Variants in STARD4 observed in about 807,000 individuals in gnomAD.
STARD4 encodes the protein StAR related lipid transfer domain containing 4.
Under a neutral mutation model 24.9 loss-of-function variants are expected in STARD4, and 33 were observed. The observed-to-expected ratio is 1.32, with a 90% CI of 1.00 to 1.77. STARD4 has a LOEUF of 1.77. Among genes scored for constraint, STARD4 ranks in the 40% most tolerant of loss-of-function variants. STARD4 has a pLI of 0.00. For synonymous variants in STARD4, 88 were observed against 77.4 expected, an observed-to-expected ratio of 1.14 and a Z score of -0.72; for missense variants, 238 against 249.3, an observed-to-expected ratio of 0.95 and a Z score of 0.31.
chr5:111,500,595 T>C (rs1283200466), intron 5 of STARD4: 5 of 1,104,412 alleles, frequency 4.5e-6, no homozygotes, highest in Admixed American at 4.9e-5. Flanking sequence ...AATGGCAGTA[T>C]TTTTAATCTT....
chr5:111,507,500 G>T lies in STARD4; in HGVS notation c.-9-58C>A. The T allele has an allele frequency of 7.6e-7, 1 of 1,323,932 alleles. No individual in the cohort carries two copies. Among genetic ancestry groups the T allele is most frequent in the Non-Finnish European group, 1.1e-6 (1 of 938,744 alleles). The allele number at this position is 1,323,932 out of a possible 1,614,324, so 82.0% of individuals were successfully genotyped here. ...TACCACAGTTTGAGGCAATAGGCCA[G>T]TGGGTCTCGAATCTGGTTTCACAAT... On this transcript the variant is annotated intron_variant, in intron 1 of 5. Coordinates refer to ENST00000296632, the MANE Select transcript of STARD4 (RefSeq NM_139164.3). The surrounding 1 kb of genome is among the most constrained non-coding windows in gnomAD (Gnocchi z 4.4).
At chr5:111,505,085 A>G in intron 3 of STARD4, 1 of 449,906 alleles carries the variant, frequency 2.2e-6, no homozygotes, top group Non-Finnish European at 4.4e-6. Context: ...GTGTTTATGC[A>G]GTAGATATGC....
In STARD4 at chr5:111,502,115, G is replaced by A. The variant is rs143962189; in HGVS notation, c.156-27C>T. The stretch of plus-strand genomic sequence containing the variant: ...TGGAGAAAAAAAGTTTAAGTCAACC[G>A]CTGTTACAATAAAAAAATTTCAGCA... On this transcript the variant is annotated intron_variant, in intron 3 of 5. Coordinates refer to ENST00000296632, the MANE Select transcript of STARD4 (RefSeq NM_139164.3). The A allele has an allele frequency of 6.8e-4, 1,090 of 1,600,376 alleles. 5 individuals carry two copies. The highest frequency in any genetic ancestry group is 5.1e-3 in the African/African-American group (373 of 73,810).
intron 5 of STARD4, 183 bp from the exon 6 acceptor site, chr5:111,500,289 T>G: frequency 7.5e-7 from 1 of 1,336,502 alleles, no homozygotes; most frequent in Non-Finnish European, 9.5e-7. Flanking sequence ...TGACAAGAGG[T>G]TGGCAGATAG....
At chr5:111,502,497 A>G (rs1756535466) in intron 3 of STARD4, among the ~76,000 whole-genome samples, 1 of 151,148 alleles carries the variant, frequency 6.6e-6, no homozygotes, top group African/African-American at 2.4e-5. Context: ...AAAGAATAAA[A>G]ATTAGTGAAG....
Position 111,496,579 on chromosome 5 carries a change from G to A in STARD4, c.*3307C>T, listed in dbSNP as rs575104584. The A allele has an allele frequency of 6.6e-6, 1 of 152,176 alleles. No homozygotes were observed. The highest frequency in any genetic ancestry group is 2.4e-5 in the African/African-American group (1 of 41,542). The allele number at this position is 152,176 out of a possible 1,614,324, so 9.4% of individuals were successfully genotyped here. A position where few individuals can be genotyped will look rare whatever the true frequency, so the allele number is the denominator to read the frequency against. On this transcript the variant is annotated 3_prime_UTR_variant, in exon 6 of 6. Coordinates refer to ENST00000296632, the MANE Select transcript of STARD4 (RefSeq NM_139164.3). ...GTTAAAGCTTTTATTTGTATGAAAG[G>A]CAATTACTCAGCCCTAAAAGCTCAA...
rs202130751 is a variant in STARD4 at position 111,496,705 on chromosome 5, AT to A, written c.*3180del. The A allele has an allele frequency of 4.2e-3, 632 of 152,180 alleles. 4 individuals are homozygous for A. Among genetic ancestry groups the A allele is most frequent in the African/African-American group, 0.014 (589 of 41,550 alleles). The allele number at this position is 152,180 out of a possible 1,614,324, so 9.4% of individuals were successfully genotyped here. On this transcript the variant is annotated 3_prime_UTR_variant, in exon 6 of 6. Coordinates refer to ENST00000296632, the MANE Select transcript of STARD4 (RefSeq NM_139164.3). ...GCTTGAGATATTAATTGAATTCAGC[AT>A]GATTGTTGATAAAATGCCCTTTGGT...
In STARD4 at chr5:111,505,103, T is replaced by G. The variant is rs150109754; in HGVS notation, c.155+1227A>C. ...TTTATGCAGTAGATATGCAATTCCT[T>G]CTGCCTAGAACATGAACTCTTTCAT... is the stretch of plus-strand genomic sequence containing the variant. On this transcript the variant is annotated intron_variant, in intron 3 of 5. Transcript: ENST00000296632. 1,320 of 446,834 alleles carry G rather than the reference T, an allele frequency of 3.0e-3. 2 individuals carry two copies. Among genetic ancestry groups the G allele is most frequent in the Middle Eastern group, 5.7e-3 (17 of 3,004 alleles). The allele number at this position is 446,834 out of a possible 1,614,324, so 27.7% of individuals were successfully genotyped here.
intron 3 of STARD4, among the ~76,000 whole-genome samples, chr5:111,505,773 A>G (rs968726153): frequency 6.6e-6 from 1 of 152,214 alleles, no homozygotes; most frequent in African/African-American, 2.4e-5. Flanking sequence ...TCATGTATAC[A>G]ATGCTAAGAA....
At chr5:111,501,157 A>G in intron 4 of STARD4, 41 bp from the exon 5 acceptor site, 1 of 1,549,160 alleles carries the variant, frequency 6.5e-7, no homozygotes, top group Non-Finnish European at 8.7e-7. Context: ...TACTATAGGA[A>G]ACATACATAG....
chr5:111,511,151 G>C (rs1274742075), intron 1 of STARD4, among the ~76,000 whole-genome samples: 1 of 152,112 alleles, frequency 6.6e-6, no homozygotes, highest in South Asian at 2.1e-4. Context: ...ACTCAGACAA[G>C]TACAGCAGCT....
In STARD4 at chr5:111,507,611, G is replaced by GT. The variant is rs568042865; in HGVS notation, c.-9-170dup. ...TCTCTGAGAGTAGGACCCGGGCATA[G>GT]TTTTTTTCTAATTGCTCCCAAGATG... On this transcript the variant is annotated intron_variant, in intron 1 of 5. Transcript: ENST00000296632. This position sits in a 1 kb window ranked among gnomAD's most constrained non-coding sequence, Gnocchi z 4.4. Among the ~76,000 whole-genome samples the GT allele has an allele frequency of 6.6e-6, 1 of 152,090 alleles. No homozygotes were observed. The highest frequency in any genetic ancestry group is 1.5e-5 in the Non-Finnish European group (1 of 67,992).
At chr5:111,500,384 G>C in intron 5 of STARD4, 1 of 1,128,756 alleles carries the variant, frequency 8.9e-7, no homozygotes, top group African/African-American at 1.6e-5. Flanking sequence ...CTTGGTTGTA[G>C]TATCCAGGCC....
intron 4 of STARD4, 114 bp downstream of exon 4, chr5:111,501,848 C>A: frequency 7.0e-7 from 1 of 1,418,582 alleles, no homozygotes; most frequent in Non-Finnish European, 9.5e-7. Context: ...GACTGCTATT[C>A]TCAAAGCAAT....
intron 1 of STARD4, among the ~76,000 whole-genome samples, chr5:111,509,519 T>C (rs1019477971): frequency 6.6e-6 from 1 of 152,126 alleles, no homozygotes; most frequent in Non-Finnish European, 1.5e-5. Context: ...ATATTTTCAT[T>C]ACCTAATTTC....
Position 111,498,559 on chromosome 5 carries a change from C to T in STARD4, c.*1327G>A, listed in dbSNP as rs950063625. The stretch of plus-strand genomic sequence containing the variant: ...TACCAATTTCCATGAGAAACTGAAA[C>T]TAAACTACTGAGTTTTCTTTCACTA... On this transcript the variant is annotated 3_prime_UTR_variant, in exon 6 of 6. Transcript: ENST00000296632. The T allele has an allele frequency of 6.6e-6, 1 of 151,682 alleles. No individual in the cohort carries two copies. The highest frequency in any genetic ancestry group is 2.4e-5 in the African/African-American group (1 of 41,302). 9.4% of individuals were successfully genotyped at this position (151,682 alleles called of 1,614,324 possible).
chr5:111,499,872 A>C lies in STARD4; in HGVS notation c.*14T>G, dbSNP rs1756294623. 1.2e-6 allele frequency: 2 copies of C among 1,609,148 alleles called. No homozygotes were observed. The highest frequency in any genetic ancestry group is 1.3e-5 in the African/African-American group (1 of 74,856). ...TTGATCTGTAGTACTACAAGTTTGAATGTATTTTGCCTCTCATAAAGCTTT... is the reference window on the plus strand; with the variant it reads ...TTGATCTGTAGTACTACAAGTTTGACTGTATTTTGCCTCTCATAAAGCTTT... On this transcript the variant is annotated 3_prime_UTR_variant, in exon 6 of 6. Coordinates refer to ENST00000296632, the MANE Select transcript of STARD4 (RefSeq NM_139164.3).
intron 1 of STARD4, among the ~76,000 whole-genome samples, chr5:111,508,285 T>C (rs145425070): frequency 2.4e-3 from 372 of 152,256 alleles, no homozygotes; most frequent in Non-Finnish European, 3.0e-3. Flanking sequence ...ACTAATAGCA[T>C]AGAGGTCCTT....
rs1358626343 is a variant in STARD4, at chr5:111,507,639, T to C, written c.-9-197A>G. ...TTTTTCTAATTGCTCCCAAGATGAA[T>C]AACCCATAGCCAGAGGTGAGAATTA... On this transcript the variant is annotated intron_variant, in intron 1 of 5. Transcript: ENST00000296632. This position sits in a 1 kb window ranked among gnomAD's most constrained non-coding sequence, Gnocchi z 4.4. Among the ~76,000 whole-genome samples, 2 of 152,154 alleles carry C rather than the reference T, an allele frequency of 1.3e-5. No individual in the cohort carries two copies. The highest frequency in any genetic ancestry group is 2.9e-5 in the Non-Finnish European group (2 of 68,018).
Sources: gnomAD v4.1 joint callset for allele counts (sites outside exome capture counted in the v4.1 genomes callset) on GRCh38, gnomAD v4.1.1 for gene constraint, Gnocchi (gnomAD v3.1) non-coding constraint, MANE v1.5 for transcripts, NCBI Gene and HGNC (gene_info 2026-07-23, HGNC 2026-07-21) for gene names.